The following TBC1D19 variants were observed in gnomAD, a reference collection of about 807,000 sequenced individuals.
The protein encoded by TBC1D19 is TBC1 domain family member 19.
TBC1D19 carries 60 observed loss-of-function variants against 89.0 expected under a neutral mutation model. That is an observed-to-expected ratio of 0.67 (90% CI 0.55 to 0.84). The LOEUF (loss-of-function observed/expected upper bound fraction) is 0.84, where lower values mean the gene tolerates loss of function less well. TBC1D19 is among the 40% of genes least tolerant of loss of function. The probability of loss-of-function intolerance (pLI) is 0.00; values close to 1 mark genes in which losing one functional copy is unlikely to be tolerated. For synonymous variants in TBC1D19, 189 were observed against 199.7 expected (o/e 0.95, Z 0.45); for missense variants, 500 against 610.8 (o/e 0.82, Z 1.91).
At chr4:26,631,658 A>G (rs1274807619) in intron 4 of TBC1D19, among the ~76,000 whole-genome samples, 2 of 152,094 alleles carry the variant, frequency 1.3e-5, no homozygotes, top group Non-Finnish European at 2.9e-5. Context: ...TCAGAAAAAA[A>G]TGGTAATCAA....
At chr4:26,622,489 A>G (rs968245115) in intron 4 of TBC1D19, among the ~76,000 whole-genome samples, 13 of 152,104 alleles carry the variant, frequency 8.5e-5, no homozygotes, top group Admixed American at 2.0e-4. Context: ...TGTGAGTGAT[A>G]GGTACACGTA....
intron 11 of TBC1D19, among the ~76,000 whole-genome samples, chr4:26,679,482 G>A (rs1713140171): frequency 6.6e-6 from 1 of 152,204 alleles, no homozygotes; most frequent in South Asian, 2.1e-4. Context: ...TGGATATCCA[G>A]GCAGAAGTGT....
chr4:26,801,396 T>G, the TBC1D19 span, among the ~76,000 whole-genome samples: 2 of 152,208 alleles, frequency 1.3e-5, no homozygotes, highest in Non-Finnish European at 1.5e-5. Context: ...TACCATGCTG[T>G]TGTGGTTACT....
At chr4:26,774,636 A>G in the TBC1D19 span, among the ~76,000 whole-genome samples, 2 of 152,210 alleles carry the variant, frequency 1.3e-5, no homozygotes, top group African/African-American at 4.8e-5. Flanking sequence ...ATTTTTGTAT[A>G]TTGATCTTAT....
the TBC1D19 span, among the ~76,000 whole-genome samples, chr4:26,843,588 T>C: frequency 4.7e-4 from 72 of 151,894 alleles, no homozygotes; most frequent in African/African-American, 1.7e-3. Context: ...TTTTAAACTT[T>C]ATTAATAGCA....
At chr4:26,778,476 G>GAAGGAAAGGAAA in the TBC1D19 span, among the ~76,000 whole-genome samples, 1 of 151,666 alleles carries the variant, frequency 6.6e-6, no homozygotes, top group Non-Finnish European at 1.5e-5. Flanking sequence ...GGGAAGGGAA[G>GAAGGAAAGGAAA]AAGGAAAGGA....
chr4:26,690,421 A>C (rs563499776), intron 13 of TBC1D19, among the ~76,000 whole-genome samples: 9 of 152,254 alleles, frequency 5.9e-5, no homozygotes, highest in African/African-American at 2.2e-4. Flanking sequence ...TTCCATTGGA[A>C]GAAAATGCCA....
chr4:26,753,715 A>T, intron 19 of TBC1D19, 105 bp from the exon 20 acceptor site: 1 of 1,174,090 alleles, frequency 8.5e-7, no homozygotes, highest in Non-Finnish European at 1.3e-6. Context: ...TGTGTAAAGC[A>T]CTAGTTCTGA....
chr4:26,631,533 G>T (rs1471639571), intron 4 of TBC1D19, among the ~76,000 whole-genome samples: 1 of 151,916 alleles, frequency 6.6e-6, no homozygotes, highest in Non-Finnish European at 1.5e-5. Flanking sequence ...CCCTGTTCTA[G>T]TTATTAAAAA....
chr4:26,654,012 C>T (rs1025133141), intron 7 of TBC1D19, among the ~76,000 whole-genome samples: 57 of 152,238 alleles, frequency 3.7e-4, no homozygotes, highest in African/African-American at 1.3e-3. Context: ...TGGCTGGTAC[C>T]GGTTATTCCT....
At chr4:26,673,424 C>CATATATAT (rs769124292) in intron 10 of TBC1D19, among the ~76,000 whole-genome samples, 6 of 106,014 alleles carry the variant, frequency 5.7e-5, no homozygotes, top group East Asian at 3.0e-4. Context: ...AAAATTATTT[C>CATATATAT]ATATATATAT....
chr4:26,738,642 T>C (rs1026089170), intron 16 of TBC1D19, among the ~76,000 whole-genome samples: 2 of 151,874 alleles, frequency 1.3e-5, no homozygotes, highest in African/African-American at 2.4e-5. Context: ...AATACATTTT[T>C]CTATATATAT....
chr4:26,831,889 C>A, the TBC1D19 span, among the ~76,000 whole-genome samples: 1 of 152,192 alleles, frequency 6.6e-6, no homozygotes, highest in Admixed American at 6.5e-5. Context: ...CCACACCCAG[C>A]AGCTAATCCC....
rs138735672 is a variant in TBC1D19 at position 26,610,666 on chromosome 4, A to G, written c.100-2503A>G. Among the ~76,000 whole-genome samples, 283 of 151,896 alleles carry G rather than the reference A, an allele frequency of 1.9e-3. 11 individuals are homozygous for G. The highest frequency in any genetic ancestry group is 1.6e-3 in the Non-Finnish European group (112 of 67,932). On this transcript the variant is annotated intron_variant, in intron 1 of 20. Coordinates refer to ENST00000264866, the MANE Select transcript of TBC1D19 (RefSeq NM_018317.4). ...CCTTCTTTGTGTCCATGTGTACTCA[A>G]TGTTCAGTTTCCACTTATAAGTGGG... is the stretch of plus-strand genomic sequence containing the variant.
chr4:26,614,836 C>T (rs1352326165), intron 3 of TBC1D19, among the ~76,000 whole-genome samples: 2 of 152,042 alleles, frequency 1.3e-5, no homozygotes, highest in Non-Finnish European at 2.9e-5. Context: ...TGCCACAACA[C>T]CTGGCTAATT....
At chr4:26,602,789 AG>A (rs1185656789) in intron 1 of TBC1D19, among the ~76,000 whole-genome samples, 1 of 152,098 alleles carries the variant, frequency 6.6e-6, no homozygotes, top group Non-Finnish European at 1.5e-5. Context: ...AAAAAAAAAA[AG>A]AACCAGTTTT....
At chr4:26,852,144 C>T in the TBC1D19 span, among the ~76,000 whole-genome samples, 2 of 152,232 alleles carry the variant, frequency 1.3e-5, no homozygotes, top group Non-Finnish European at 2.9e-5. Context: ...ACTTGCTCTT[C>T]TCACAGTCTT....
chr4:26,754,970 C>T lies in TBC1D19; in HGVS notation c.*23C>T. 1.3e-6 allele frequency: 2 copies of T among 1,583,048 alleles called. No homozygotes were observed. The highest frequency in any genetic ancestry group is 8.6e-7 in the Non-Finnish European group (1 of 1,168,558). Reference sequence around the variant, plus strand: ...TGATCTTCTTCACAGTCACTGGCAACACATCTAGTTTTTCATTAGAAACAA... The same window carrying T: ...TGATCTTCTTCACAGTCACTGGCAATACATCTAGTTTTTCATTAGAAACAA... On this transcript the variant is annotated 3_prime_UTR_variant, in exon 21 of 21. Coordinates refer to ENST00000264866, the MANE Select transcript of TBC1D19 (RefSeq NM_018317.4).
intron 15 of TBC1D19, among the ~76,000 whole-genome samples, chr4:26,731,662 G>A (rs956670739): frequency 1.3e-5 from 2 of 152,088 alleles, no homozygotes; most frequent in Admixed American, 1.3e-4. Flanking sequence ...TTGAAGGAGT[G>A]CGCAGAAGAG....
Sources: allele counts gnomAD v4.1 joint callset (sites outside exome capture counted in the v4.1 genomes callset), GRCh38; gene constraint gnomAD v4.1.1; transcripts MANE v1.5; gene names NCBI Gene and HGNC (gene_info 2026-07-23, HGNC 2026-07-21).